Variants in SLC35F3 observed in about 807,000 individuals in gnomAD.
SLC35F3 encodes the protein solute carrier family 35 member F3.
In SLC35F3, 25 loss-of-function variants were observed where a neutral mutation model predicts 49.9. The observed-to-expected ratio is 0.50, with a 90% CI of 0.37 to 0.70. The LOEUF is 0.70. Ranked by LOEUF, SLC35F3 falls within the 30% of genes least tolerant of loss-of-function variation. The pLI is 0.00. For synonymous variants in SLC35F3, 275 were observed against 265.4 expected (o/e 1.04, Z -0.35); for missense variants, 525 against 639.8 (o/e 0.82, Z 1.94).
At chr1:233,920,410 C>A (rs960328455) in intron 2 of SLC35F3, among the ~76,000 whole-genome samples, 1 of 152,104 alleles carries the variant, frequency 6.6e-6, no homozygotes, top group South Asian at 2.1e-4. Context: ...TCATGCCAAC[C>A]GTGAAGGAGG....
chr1:234,054,665 C>G (rs1398940072), intron 2 of SLC35F3, among the ~76,000 whole-genome samples: 1 of 152,140 alleles, frequency 6.6e-6, no homozygotes, highest in African/African-American at 2.4e-5. Flanking sequence ...ATTCTCTGTC[C>G]GGCTTTGTTC....
rs531337442 is a variant in SLC35F3 at position 234,260,064 on chromosome 1, C to CA, written c.608+28331dup. On this transcript the variant is annotated intron_variant, in intron 3 of 7. Transcript: ENST00000366618. ...GGGAAAGGGTGTTTAACTTCTACGGCAAAAAAAATGAATAGGTTTTTAAAT... is the reference window on the plus strand; with the variant it reads ...GGGAAAGGGTGTTTAACTTCTACGGCAAAAAAAAATGAATAGGTTTTTAAAT... Among the ~76,000 whole-genome samples the CA allele has an allele frequency of 1.5e-3, 225 of 151,428 alleles. 1 individual carries two copies. Among genetic ancestry groups the CA allele is most frequent in the African/African-American group, 2.0e-3 (81 of 41,328 alleles).
intron 2 of SLC35F3, among the ~76,000 whole-genome samples, chr1:234,171,227 T>C (rs1020246809): frequency 6.6e-6 from 1 of 152,204 alleles, no homozygotes; most frequent in Non-Finnish European, 1.5e-5. Context: ...CAGGGGATTC[T>C]GCATACTGGG....
chr1:234,062,729 G>T (rs1204993552), intron 2 of SLC35F3, among the ~76,000 whole-genome samples: 2 of 151,454 alleles, frequency 1.3e-5, no homozygotes, highest in Non-Finnish European at 2.9e-5. Flanking sequence ...GCCCAGGCTG[G>T]AGTACAGTGG....
chr1:234,044,024 G>T (rs2102854479), intron 2 of SLC35F3, among the ~76,000 whole-genome samples: 1 of 152,250 alleles, frequency 6.6e-6, no homozygotes, highest in African/African-American at 2.4e-5. Flanking sequence ...CCTTTACCAG[G>T]TAGGGCCTAA....
chr1:234,158,373 A>C (rs1666182182), intron 2 of SLC35F3, among the ~76,000 whole-genome samples: 1 of 152,238 alleles, frequency 6.6e-6, no homozygotes, highest in Admixed American at 6.5e-5. Flanking sequence ...CAACAATGGG[A>C]TAGTTGTCTA....
chr1:233,994,182 A>G (rs1013109338), intron 2 of SLC35F3, among the ~76,000 whole-genome samples: 1 of 152,206 alleles, frequency 6.6e-6, no homozygotes, highest in African/African-American at 2.4e-5. Flanking sequence ...AGAGAGTAGC[A>G]ATTATATTAA....
intron 2 of SLC35F3, among the ~76,000 whole-genome samples, chr1:234,112,179 A>C (rs1665416977): frequency 6.6e-6 from 1 of 152,166 alleles, no homozygotes; most frequent in South Asian, 2.1e-4. Flanking sequence ...TTACAAAAAA[A>C]TAAAAATAAA....
intron 2 of SLC35F3, among the ~76,000 whole-genome samples, chr1:234,127,773 G>A (rs12121314): frequency 0.19 from 29,074 of 152,202 alleles, 3,388 homozygotes; most frequent in Non-Finnish European, 0.27. Context: ...CATTAGAATA[G>A]ATTTATAAGC....
chr1:234,142,968 A>G (rs1184069276), intron 2 of SLC35F3, among the ~76,000 whole-genome samples: 3 of 152,218 alleles, frequency 2.0e-5, no homozygotes, highest in Non-Finnish European at 2.9e-5. Flanking sequence ...ATGTTTTGAT[A>G]TGCATATACA....
intron 2 of SLC35F3, among the ~76,000 whole-genome samples, chr1:234,225,021 C>T (rs1667265188): frequency 6.6e-6 from 1 of 152,176 alleles, no homozygotes; most frequent in Non-Finnish European, 1.5e-5. Context: ...GCTTCGGCCG[C>T]ATGTGAATGG....
At chr1:234,216,320 C>T (rs1667120103) in intron 2 of SLC35F3, among the ~76,000 whole-genome samples, 1 of 152,188 alleles carries the variant, frequency 6.6e-6, no homozygotes, top group African/African-American at 2.4e-5. Flanking sequence ...ACTCCCAGCC[C>T]ACCTTAGGCA....
In SLC35F3 at chr1:233,957,988, T is replaced by C. The variant is rs1277365618; in HGVS notation, c.283+52230T>C. 6.6e-6 allele frequency among the ~76,000 whole-genome samples: 1 copy of C among 152,166 alleles called. No homozygotes were observed. Among genetic ancestry groups the C allele is most frequent in the African/African-American group, 2.4e-5 (1 of 41,426 alleles). On this transcript the variant is annotated intron_variant, in intron 2 of 7. Coordinates refer to ENST00000366618, the MANE Select transcript of SLC35F3 (RefSeq NM_173508.4). This position sits in a 1 kb window ranked among gnomAD's most constrained non-coding sequence, Gnocchi z 4.0. ...AACTAGGACTTGATGACTAGACCGC[T>C]TTTCCAAATGTTAGGACTTTTCACT...
At position 234,223,747 on chromosome 1, in the gene SLC35F3, C is replaced by T. The variant is rs538165548; in HGVS notation, c.284-7670C>T. On this transcript the variant is annotated intron_variant, in intron 2 of 7. Coordinates refer to ENST00000366618, the MANE Select transcript of SLC35F3 (RefSeq NM_173508.4). Reference sequence around the variant, plus strand: ...AAGCACAGTACACTCTCTACTGTAACCCCTTGTATTAGCTAGCACCACCAT... The same window carrying T: ...AAGCACAGTACACTCTCTACTGTAATCCCTTGTATTAGCTAGCACCACCAT... 2.2e-3 allele frequency among the ~76,000 whole-genome samples: 331 copies of T among 152,302 alleles called. 5 individuals carry two copies. The highest frequency in any genetic ancestry group is 4.4e-3 in the South Asian group (21 of 4,822).
intron 4 of SLC35F3, among the ~76,000 whole-genome samples, chr1:234,314,027 A>G (rs1657422062): frequency 6.6e-6 from 1 of 152,176 alleles, no homozygotes; most frequent in South Asian, 2.1e-4. Flanking sequence ...ATCCCAGCAC[A>G]TGGGTCCGGT....
intron 2 of SLC35F3, among the ~76,000 whole-genome samples, chr1:234,117,290 C>A (rs1218058620): frequency 6.6e-6 from 1 of 152,126 alleles, no homozygotes; most frequent in Non-Finnish European, 1.5e-5. Flanking sequence ...GCAAGATTCA[C>A]CCTAATACAA....
rs117922139 is a variant in SLC35F3, at chr1:234,188,442, T to C, written c.284-42975T>C. Among the ~76,000 whole-genome samples the C allele has an allele frequency of 6.5e-3, 983 of 152,202 alleles. 8 individuals are homozygous for C. Among genetic ancestry groups the C allele is most frequent in the South Asian group, 0.04 (191 of 4,816 alleles). On this transcript the variant is annotated intron_variant, in intron 2 of 7. Transcript: ENST00000366618. ...TAACTGCCAGCTTTCCCCGACTTCC[T>C]GACAACCTGCATGACACAGCACAGG... is the stretch of plus-strand genomic sequence containing the variant.
At chr1:234,097,124 G>A (rs867736302) in intron 2 of SLC35F3, among the ~76,000 whole-genome samples, 1 of 152,018 alleles carries the variant, frequency 6.6e-6, no homozygotes, top group South Asian at 2.1e-4. Flanking sequence ...CCCGACCTCA[G>A]GTGATCTGCC....
intron 3 of SLC35F3, among the ~76,000 whole-genome samples, chr1:234,285,806 G>A (rs1035141730): frequency 6.6e-6 from 1 of 152,166 alleles, no homozygotes; most frequent in Admixed American, 6.5e-5. Flanking sequence ...TGGACACTGT[G>A]TAACTGAACT....
Sources: allele counts gnomAD v4.1 joint callset (sites outside exome capture counted in the v4.1 genomes callset), GRCh38; gene constraint gnomAD v4.1.1; non-coding constraint Gnocchi (gnomAD v3.1); transcripts MANE v1.5; gene names NCBI Gene and HGNC (gene_info 2026-07-23, HGNC 2026-07-21).